ADK: variants seen among roughly 807,000 people sequenced by gnomAD.
ADK encodes N6,N6-dimethyladenosine kinase.
In ADK, 24 loss-of-function variants were observed where a neutral mutation model predicts 44.7. The ratio of observed to expected loss-of-function variants is 0.54; its 90% CI spans 0.39 to 0.76. The LOEUF is 0.76. Ranked by LOEUF, ADK falls within the 30% of genes least tolerant of loss-of-function variation. The pLI is 0.00. For missense variants in ADK, 321 were observed against 425.1 expected, an observed-to-expected ratio of 0.76 and a Z score of 2.15; for synonymous variants, 128 against 142.6, an observed-to-expected ratio of 0.90 and a Z score of 0.73.
At chr10:74,697,222 T>C (rs1347624348) in intron 10 of ADK, among the ~76,000 whole-genome samples, 1 of 152,148 alleles carries the variant, frequency 6.6e-6, no homozygotes, top group Non-Finnish European at 1.5e-5. Flanking sequence ...CAGCGTAATA[T>C]ATACTTGTAA....
At chr10:74,210,206 G>T (rs1843758394) in intron 2 of ADK, among the ~76,000 whole-genome samples, 1 of 151,864 alleles carries the variant, frequency 6.6e-6, no homozygotes, top group African/African-American at 2.4e-5. Flanking sequence ...GCACACGCCT[G>T]CAGTCCCAGC....
chr10:74,420,843 CT>C (rs1224766749), intron 6 of ADK, among the ~76,000 whole-genome samples: 6 of 151,940 alleles, frequency 3.9e-5, no homozygotes, highest in Non-Finnish European at 8.8e-5. Flanking sequence ...ATTTTTGCAT[CT>C]TAATTTTTCA....
chr10:74,536,291 G>A (rs369884059), intron 7 of ADK, among the ~76,000 whole-genome samples: 31 of 151,968 alleles, frequency 2.0e-4, no homozygotes, highest in African/African-American at 7.5e-4. Context: ...TGTGACCCCA[G>A]TATTCCTTTT....
rs1856695683 is a variant in ADK at position 74,708,894 on chromosome 10, T to TAC, written c.*457_*458dup. On this transcript the variant is annotated 3_prime_UTR_variant, in exon 11 of 11. Coordinates refer to ENST00000539909, the MANE Select transcript of ADK (RefSeq NM_006721.4). ...TAATTTAGGAGTATATGTGTGTCTA[T>TAC]ACACACACATACATAAATATACCAC... 5.5e-6 allele frequency: 1 copy of TAC among 181,202 alleles called. No individual in the cohort carries two copies. 11.2% of individuals were successfully genotyped at this position (181,202 alleles called of 1,614,324 possible). A position where few individuals can be genotyped will look rare whatever the true frequency, so the allele number is the denominator to read the frequency against.
At chr10:74,694,147 A>ATTTTTTTTTTTT (rs10669118) in intron 10 of ADK, among the ~76,000 whole-genome samples, 90 of 82,280 alleles carry the variant, frequency 1.1e-3, no homozygotes, top group African/African-American at 2.3e-3. Flanking sequence ...TTTCAAACAC[A>ATTTTTTTTTTTT]TTTTTTTTTT....
At chr10:74,193,424 T>G (rs1318056709) in intron 1 of ADK, among the ~76,000 whole-genome samples, 1 of 149,018 alleles carries the variant, frequency 6.7e-6, no homozygotes, top group Non-Finnish European at 1.5e-5. Context: ...CACCCCAGTG[T>G]GATTAGTGTT....
intron 4 of ADK, among the ~76,000 whole-genome samples, chr10:74,348,466 A>G (rs1440298439): frequency 6.6e-6 from 1 of 152,156 alleles, no homozygotes. Context: ...AGATAAATCC[A>G]TGATGATGAG....
chr10:74,227,234 G>A (rs926378002), intron 3 of ADK, among the ~76,000 whole-genome samples: 6 of 152,102 alleles, frequency 3.9e-5, no homozygotes, highest in African/African-American at 1.4e-4. Context: ...GTAATTCCAT[G>A]CTTTATTCTC....
At chr10:74,381,791 T>C (rs920454462) in intron 4 of ADK, among the ~76,000 whole-genome samples, 4 of 152,226 alleles carry the variant, frequency 2.6e-5, no homozygotes, top group Admixed American at 6.5e-5. Flanking sequence ...GGTAATTTAA[T>C]AGAGGCTGTC....
chr10:74,203,183 C>A (rs1843459766), intron 2 of ADK, among the ~76,000 whole-genome samples: 1 of 152,282 alleles, frequency 6.6e-6, no homozygotes, highest in South Asian at 2.1e-4. Flanking sequence ...CCAATTGTCT[C>A]AACATCATTT....
chr10:74,520,717 GT>G (rs1343517480), intron 6 of ADK, among the ~76,000 whole-genome samples: 2 of 152,012 alleles, frequency 1.3e-5, no homozygotes, highest in Non-Finnish European at 2.9e-5. Flanking sequence ...ATGTGTTTAA[GT>G]TTTTTCGATT....
At chr10:74,628,833 C>T (rs1853312665) in intron 9 of ADK, among the ~76,000 whole-genome samples, 1 of 152,084 alleles carries the variant, frequency 6.6e-6, no homozygotes, top group African/African-American at 2.4e-5. Flanking sequence ...TAACCAACAC[C>T]TTGGAGTTAG....
intron 9 of ADK, among the ~76,000 whole-genome samples, chr10:74,629,940 C>G (rs960248549): frequency 6.6e-6 from 1 of 152,078 alleles, no homozygotes; most frequent in Admixed American, 6.6e-5. Flanking sequence ...GAATACATAT[C>G]AAAAGCCTTA....
chr10:74,316,823 C>T (rs1032791898), intron 4 of ADK, among the ~76,000 whole-genome samples: 2 of 152,114 alleles, frequency 1.3e-5, no homozygotes, highest in Non-Finnish European at 2.9e-5. Flanking sequence ...TAATTAAGTT[C>T]TCCCTCAGCT....
intron 9 of ADK, among the ~76,000 whole-genome samples, chr10:74,651,907 T>C (rs1487429738): frequency 6.6e-6 from 1 of 152,192 alleles, no homozygotes; most frequent in Non-Finnish European, 1.5e-5. Context: ...TAAAAGAACA[T>C]ATACTGTATG....
rs1842124692 is a variant in ADK, at chr10:74,356,002, A to AGATTGGTT, written c.274-38139_274-38138insGATTGGTT. On this transcript the variant is annotated intron_variant, in intron 4 of 10. Coordinates refer to ENST00000539909, the MANE Select transcript of ADK (RefSeq NM_006721.4). ...TCTGAAATATTTCACTAAATAATTC[A>AGATTGGTT]TTTTTTTTTTTTTTTTTTTTTTTTT... Among the ~76,000 whole-genome samples, 2 of 83,310 alleles carry AGATTGGTT rather than the reference A, an allele frequency of 2.4e-5. 1 individual carries two copies. The allele number at this position is 83,310 out of a possible 152,430, so 54.7% of individuals were successfully genotyped here.
intron 10 of ADK, among the ~76,000 whole-genome samples, chr10:74,707,977 C>T (rs981083149): frequency 6.6e-6 from 1 of 151,846 alleles, no homozygotes; most frequent in African/African-American, 2.4e-5. Context: ...ATGGTGAAAC[C>T]CCATCTCTAC....
At chr10:74,340,235 A>G (rs1290240730) in intron 4 of ADK, among the ~76,000 whole-genome samples, 2 of 152,134 alleles carry the variant, frequency 1.3e-5, no homozygotes, top group Non-Finnish European at 2.9e-5. Context: ...TGTAGGGGTA[A>G]GGAAAAGGTG....
At chr10:74,449,202 C>A (rs1447826251) in intron 6 of ADK, among the ~76,000 whole-genome samples, 1 of 152,182 alleles carries the variant, frequency 6.6e-6, no homozygotes, top group Non-Finnish European at 1.5e-5. Flanking sequence ...GTCAAGGAAA[C>A]TTAAGCCATG....
Sources: allele counts gnomAD v4.1 joint callset (sites outside exome capture counted in the v4.1 genomes callset), GRCh38; gene constraint gnomAD v4.1.1; transcripts MANE v1.5; gene names NCBI Gene and HGNC (gene_info 2026-07-23, HGNC 2026-07-21).